The following PSME4 variants were observed in gnomAD, a reference collection of about 807,000 sequenced individuals.
PSME4 encodes proteasome activator subunit 4.
Under a neutral mutation model 253.9 loss-of-function variants are expected in PSME4, and 89 were observed. The observed-to-expected ratio is 0.35, with a 90% CI of 0.30 to 0.42. PSME4 has a LOEUF of 0.42. PSME4 is among the 10% of genes least tolerant of loss of function. The probability of loss-of-function intolerance (pLI) is 1.00; values close to 1 mark genes in which losing one functional copy is unlikely to be tolerated. For missense variants in PSME4, 2,014 were observed against 2,195.2 expected (o/e 0.92, Z 1.65); for synonymous variants, 851 against 759.2 (o/e 1.12, Z -1.99).
chr2:53,872,741 CAAAAAAA>C (rs61308177), intron 43 of PSME4, among the ~76,000 whole-genome samples: 31 of 48,008 alleles, frequency 6.5e-4, no homozygotes, highest in African/African-American at 1.8e-3. Flanking sequence ...GACTTGGTCT[CAAAAAAA>C]AAAAAAAAAA....
At chr2:53,887,497 G>C in intron 39 of PSME4, 30 bp from the exon 40 acceptor site, 2 of 1,552,278 alleles carry the variant, frequency 1.3e-6, no homozygotes, top group Non-Finnish European at 1.8e-6. Context: ...ATAATAGGAA[G>C]AGGTGCCACA....
At chr2:53,931,017 C>A (rs757515747) in intron 10 of PSME4, among the ~76,000 whole-genome samples, 11 of 152,228 alleles carry the variant, frequency 7.2e-5, no homozygotes, top group Non-Finnish European at 1.0e-4. Context: ...GTGGCTCACA[C>A]CTGCAATCCC....
rs188066059 is a variant in PSME4 at position 53,912,331 on chromosome 2, A to C, written c.2517-2201T>G. ...ACCAAGGGAAGACTATATATAGGAC[A>C]TATCTGGGTAGTATACATTACAGCT... On this transcript the variant is annotated intron_variant, in intron 20 of 46. Transcript: ENST00000404125. Among the ~76,000 whole-genome samples the C allele has an allele frequency of 2.6e-5, 4 of 152,336 alleles. No homozygotes were observed. In the East Asian group the frequency reaches 7.7e-4, roughly 29 times the overall value.
At chr2:53,872,435 A>G (rs965409175) in intron 43 of PSME4, among the ~76,000 whole-genome samples, 6 of 152,184 alleles carry the variant, frequency 3.9e-5, no homozygotes, top group Non-Finnish European at 7.3e-5. Flanking sequence ...TTTAATGATC[A>G]TGGTTATGTT....
At chr2:53,945,978 G>A (rs1346504342) in intron 3 of PSME4, among the ~76,000 whole-genome samples, 3 of 152,168 alleles carry the variant, frequency 2.0e-5, no homozygotes, top group South Asian at 2.1e-4. Flanking sequence ...CAGTCACAAC[G>A]TCTCTTCAAA....
rs560606152 is a variant in PSME4 at position 53,890,014 on chromosome 2, G to A, written c.4296+90C>T. The A allele has an allele frequency of 1.1e-4, 103 of 974,066 alleles. No individual in the cohort carries two copies. The East Asian group carries it at 2.2e-3, about 21-fold the overall frequency. 60.3% of individuals were successfully genotyped at this position (974,066 alleles called of 1,614,324 possible). ...AAAAACAAAACCCAAAAAGATTTAA[G>A]AAGTGTTATGAGATTTCACACACTT... On this transcript the variant is annotated intron_variant, in intron 37 of 46. Transcript: ENST00000404125.
chr2:53,909,411 T>C (rs1292752425), intron 21 of PSME4, among the ~76,000 whole-genome samples: 2 of 152,188 alleles, frequency 1.3e-5, no homozygotes, highest in African/African-American at 2.4e-5. Context: ...TTTTTAAATA[T>C]AGGGTTACAA....
rs1335430610 is a variant in PSME4, at chr2:53,904,167, T to C, written c.2944-11A>G. On this transcript the variant is annotated splice_polypyrimidine_tract_variant and intron_variant, in intron 26 of 46. Transcript: ENST00000404125. ...AGCCTTATTTCTCACCTGGAGGAAG[T>C]ATTATTAACAAAGGACTTTTATTAA... 8 of 1,601,192 alleles carry C rather than the reference T, an allele frequency of 5.0e-6. No individual in the cohort carries two copies. Among genetic ancestry groups the C allele is most frequent in the Non-Finnish European group, 6.8e-6 (8 of 1,173,610 alleles).
At chr2:53,939,114 T>C (rs780212237) in intron 4 of PSME4, among the ~76,000 whole-genome samples, 23 of 152,196 alleles carry the variant, frequency 1.5e-4, no homozygotes, top group Non-Finnish European at 2.6e-4. Context: ...TGACTCAGGG[T>C]GAACCTTAAG....
chr2:53,941,747 C>G (rs908496616), intron 3 of PSME4, among the ~76,000 whole-genome samples: 1 of 152,032 alleles, frequency 6.6e-6, no homozygotes, highest in Non-Finnish European at 1.5e-5. Flanking sequence ...AAATTGTAAA[C>G]TGTTTATCCA....
chr2:53,970,903 C>G lies in PSME4; in HGVS notation c.-119G>C. On this transcript the variant is annotated 5_prime_UTR_variant, in exon 1 of 47. Transcript: ENST00000404125. The stretch of plus-strand genomic sequence containing the variant: ...CTGCGGCCGCTGGCGGCCCGTCGCC[C>G]TCGGACCGATCGCTAGGCCCCCTTC... 1 of 847,832 alleles carries G rather than the reference C, an allele frequency of 1.2e-6. No homozygotes were observed. The highest frequency in any genetic ancestry group is 1.7e-6 in the Non-Finnish European group (1 of 595,946). 52.5% of individuals were successfully genotyped at this position (847,832 alleles called of 1,614,324 possible). A position where few individuals can be genotyped will look rare whatever the true frequency, so the allele number is the denominator to read the frequency against.
rs752768852 is a variant in PSME4, at chr2:53,887,435, G to C, written c.4553C>G (p.Ser1518Cys). The change falls in exon 40 of 47, where the codon TCT becomes TGT. Residue 1518 changes from serine to cysteine, a missense_variant. Around this residue, in one of 4 missense-constraint regions of PSME4, gnomAD observed 403 missense variants for 556.1 expected, o/e 0.72. Coordinates refer to ENST00000404125, the MANE Select transcript of PSME4 (RefSeq NM_014614.3). ...VLTYIFMIDV[S>C]LPNTTPTISP... ...TATGGTTGGTGTGGTATTTGGCAAAGATACATCTATCATGAATATGTAGGT... is the reference window on the plus strand; with the variant it reads ...TATGGTTGGTGTGGTATTTGGCAAACATACATCTATCATGAATATGTAGGT... 1 of 1,613,606 alleles carries C rather than the reference G, an allele frequency of 6.2e-7. No homozygotes were observed. Among genetic ancestry groups the C allele is most frequent in the Non-Finnish European group, 8.5e-7 (1 of 1,179,708 alleles).
chr2:53,894,562 G>T (rs1680055425), intron 34 of PSME4, among the ~76,000 whole-genome samples: 1 of 152,188 alleles, frequency 6.6e-6, no homozygotes, highest in Non-Finnish European at 1.5e-5. Flanking sequence ...ATGTGCCATG[G>T]CTCCCAGCCA....
intron 19 of PSME4, 52 bp from the exon 20 acceptor site, chr2:53,919,298 C>A: frequency 2.0e-6 from 3 of 1,510,740 alleles, no homozygotes; most frequent in Non-Finnish European, 2.6e-6. Flanking sequence ...ATTTAATAAG[C>A]CTGCTAGAGC....
chr2:53,954,558 G>C (rs1222404356), intron 1 of PSME4, among the ~76,000 whole-genome samples: 3 of 152,046 alleles, frequency 2.0e-5, no homozygotes, highest in Non-Finnish European at 4.4e-5. Flanking sequence ...AATAATTCAG[G>C]TCAGGTGTAG....
At chr2:53,868,367 G>T (rs572184974) in intron 44 of PSME4, among the ~76,000 whole-genome samples, 1 of 150,660 alleles carries the variant, frequency 6.6e-6, no homozygotes, top group African/African-American at 2.5e-5. Context: ...CATGAGAATC[G>T]CCTGAACCCA....
intron 36 of PSME4, among the ~76,000 whole-genome samples, chr2:53,891,805 G>T (rs1262326069): frequency 6.7e-6 from 1 of 149,324 alleles, no homozygotes; most frequent in Non-Finnish European, 1.5e-5. Context: ...AGTGAGCAAT[G>T]ATCACACTAC....
At chr2:53,940,736 A>C (rs1034901740) in intron 3 of PSME4, among the ~76,000 whole-genome samples, 4 of 150,812 alleles carry the variant, frequency 2.7e-5, no homozygotes, top group Non-Finnish European at 5.9e-5. Context: ...GCAAACAAAC[A>C]ATATAAACAA....
At chr2:53,966,865 A>G (rs996317828) in intron 1 of PSME4, among the ~76,000 whole-genome samples, 1 of 152,066 alleles carries the variant, frequency 6.6e-6, no homozygotes, top group African/African-American at 2.4e-5. Context: ...ATGCCAGGCT[A>G]ATTTTCTTAA....
Sources: allele counts gnomAD v4.1 joint callset (sites outside exome capture counted in the v4.1 genomes callset), GRCh38; gene constraint gnomAD v4.1.1; regional missense constraint gnomAD v4.1.1; transcripts MANE v1.5; gene names NCBI Gene and HGNC (gene_info 2026-07-23, HGNC 2026-07-21).